The following EBF2 variants were observed in gnomAD, a reference collection of about 807,000 sequenced individuals.
EBF2 encodes the protein EBF transcription factor 2, also known as transcription factor COE2.
In EBF2, 21 loss-of-function variants were observed where a neutral mutation model predicts 72.8. The ratio of observed to expected loss-of-function variants is 0.29; its 90% CI spans 0.20 to 0.42. EBF2 has a LOEUF of 0.42. EBF2 is among the 10% of genes least tolerant of loss of function. The pLI is 1.00. For missense variants in EBF2, 637 were observed against 731.2 expected (o/e 0.87, Z 1.49); for synonymous variants, 299 against 274.2 (o/e 1.09, Z -0.89).
intron 10 of EBF2, among the ~76,000 whole-genome samples, chr8:25,867,528 A>G (rs1188627813): frequency 6.6e-6 from 1 of 152,084 alleles, no homozygotes; most frequent in African/African-American, 2.4e-5. Context: ...ATGTCAGACT[A>G]CTTTGCGGAC....
At chr8:25,903,182 T>A (rs1459423621) in intron 7 of EBF2, among the ~76,000 whole-genome samples, 1 of 146,744 alleles carries the variant, frequency 6.8e-6, no homozygotes, top group African/African-American at 2.7e-5. Flanking sequence ...TGACATTTTG[T>A]CTGGGTTTTT....
intron 6 of EBF2, among the ~76,000 whole-genome samples, chr8:25,919,035 G>T (rs902744790): frequency 1.3e-5 from 2 of 152,084 alleles, no homozygotes; most frequent in Non-Finnish European, 2.9e-5. Context: ...CCATCTAGTG[G>T]AAACAATTAA....
chr8:25,879,155 A>G (rs569831852), intron 10 of EBF2, among the ~76,000 whole-genome samples: 72 of 152,312 alleles, frequency 4.7e-4, no homozygotes, highest in African/African-American at 1.7e-3. Context: ...CATTTTTCAT[A>G]TATCTAAACA....
chr8:26,027,256 AAC>A (rs1460641255), intron 6 of EBF2, among the ~76,000 whole-genome samples: 3 of 152,168 alleles, frequency 2.0e-5, no homozygotes, highest in African/African-American at 7.2e-5. Flanking sequence ...AGACAGGAAG[AAC>A]AAGTACGGCC....
chr8:25,975,768 T>C (rs1259916325), intron 6 of EBF2, among the ~76,000 whole-genome samples: 1 of 152,148 alleles, frequency 6.6e-6, no homozygotes, highest in Admixed American at 6.5e-5. Context: ...AACTCTACAG[T>C]ATCCTGAGAG....
At chr8:25,844,779 A>T in intron 15 of EBF2, 139 bp from the exon 16 acceptor site, 2 of 1,077,772 alleles carry the variant, frequency 1.9e-6, no homozygotes, top group Non-Finnish European at 2.8e-6. Flanking sequence ...TGATATGAGG[A>T]CCTGTTCTCC....
intron 6 of EBF2, among the ~76,000 whole-genome samples, chr8:25,927,566 A>C (rs1803406787): frequency 6.6e-6 from 1 of 151,998 alleles, no homozygotes; most frequent in Non-Finnish European, 1.5e-5. Flanking sequence ...ACCACCAAAT[A>C]ATGTGGTCCT....
Position 25,858,514 on chromosome 8 carries a change from AAAG to A in EBF2, c.1343-13_1343-11del. On this transcript the variant is annotated splice_polypyrimidine_tract_variant and intron_variant, in intron 13 of 15. Coordinates refer to ENST00000520164, the MANE Select transcript of EBF2 (RefSeq NM_022659.4). Reference sequence around the variant, plus strand: ...GTGTTGCGGATGTACCCTTGGCAACAAAGAAAAAGCCCAGGTAAATCAACAGGC... The same window carrying A: ...GTGTTGCGGATGTACCCTTGGCAACAAAAAAGCCCAGGTAAATCAACAGGC... 1 of 1,611,824 alleles carries A rather than the reference AAAG, an allele frequency of 6.2e-7. No individual in the cohort carries two copies. The highest frequency in any genetic ancestry group is 8.5e-7 in the Non-Finnish European group (1 of 1,179,258).
chr8:26,010,738 T>C (rs1804965286), intron 6 of EBF2, among the ~76,000 whole-genome samples: 2 of 152,222 alleles, frequency 1.3e-5, no homozygotes, highest in South Asian at 2.1e-4. Flanking sequence ...CATCTTGGAA[T>C]GCCTTCTTCC....
At chr8:26,008,743 CAG>C (rs1804925643) in intron 6 of EBF2, among the ~76,000 whole-genome samples, 1 of 30,758 alleles carries the variant, frequency 3.3e-5, no homozygotes, top group Admixed American at 2.2e-4. Context: ...AGAAACCAAA[CAG>C]AAAAGAGGAA....
intron 15 of EBF2, 91 bp from the exon 16 acceptor site, chr8:25,844,731 TAG>T (rs777195167): frequency 1.2e-4 from 178 of 1,491,772 alleles, no homozygotes; most frequent in Non-Finnish European, 1.2e-4. Flanking sequence ...ATGGGAATGA[TAG>T]AGTCTGATGC....
At chr8:26,006,240 ACT>A (rs1204037713) in intron 6 of EBF2, among the ~76,000 whole-genome samples, 1 of 151,948 alleles carries the variant, frequency 6.6e-6, no homozygotes, top group Non-Finnish European at 1.5e-5. Flanking sequence ...CTCACCATTG[ACT>A]CTTTCATTTT....
intron 6 of EBF2, among the ~76,000 whole-genome samples, chr8:26,027,591 C>T (rs953611521): frequency 5.4e-3 from 1 of 186 alleles, no homozygotes; most frequent in African/African-American, 0.019. Flanking sequence ...ATGTAATTAC[C>T]ATCTAGTCCA....
chr8:25,890,605 T>C (rs1802761221), intron 7 of EBF2, among the ~76,000 whole-genome samples: 1 of 152,196 alleles, frequency 6.6e-6, no homozygotes. Context: ...ATCTGTAAGA[T>C]ATAAATAACA....
intron 6 of EBF2, among the ~76,000 whole-genome samples, chr8:25,996,487 CTTACA>C (rs1484734606): frequency 2.0e-5 from 3 of 151,512 alleles, no homozygotes; most frequent in African/African-American, 7.3e-5. Context: ...AAATTGAGTA[CTTACA>C]AAAAATGATT....
intron 6 of EBF2, among the ~76,000 whole-genome samples, chr8:25,953,807 A>G (rs1803900395): frequency 6.6e-6 from 1 of 152,214 alleles, no homozygotes; most frequent in Admixed American, 6.5e-5. Flanking sequence ...TTAGGGCAAC[A>G]TCACACAGAG....
chr8:25,908,214 G>A (rs964232201), intron 7 of EBF2, among the ~76,000 whole-genome samples: 1 of 152,142 alleles, frequency 6.6e-6, no homozygotes, highest in Non-Finnish European at 1.5e-5. Context: ...TGGGCAGCCC[G>A]AGGGCTGAAA....
At chr8:25,879,245 T>A (rs968342812) in intron 10 of EBF2, among the ~76,000 whole-genome samples, 1 of 152,170 alleles carries the variant, frequency 6.6e-6, no homozygotes, top group Non-Finnish European at 1.5e-5. Context: ...TAAATATCCA[T>A]CCATGGCATT....
At chr8:25,852,420 A>G (rs766939678) in intron 14 of EBF2, among the ~76,000 whole-genome samples, 1 of 152,194 alleles carries the variant, frequency 6.6e-6, no homozygotes, top group Non-Finnish European at 1.5e-5. Flanking sequence ...TGGTCCCCCA[A>G]ATGGCGCCTT....
Sources: gnomAD v4.1 joint callset for allele counts (sites outside exome capture counted in the v4.1 genomes callset) on GRCh38, gnomAD v4.1.1 for gene constraint, MANE v1.5 for transcripts, NCBI Gene and HGNC (gene_info 2026-07-23, HGNC 2026-07-21) for gene names.